Variants in SLC25A20 observed in about 807,000 individuals in gnomAD.
SLC25A20 encodes the protein mitochondrial carnitine/acylcarnitine carrier protein.
Under a neutral mutation model 39.7 loss-of-function variants are expected in SLC25A20, and 29 were observed. The observed-to-expected ratio is 0.73, with a 90% CI of 0.54 to 1.00. The LOEUF is 1.00. Among genes scored for constraint, SLC25A20 ranks in the 50% least tolerant of loss-of-function variants. SLC25A20 has a pLI of 0.00. For missense variants in SLC25A20, 333 were observed against 379.9 expected, an observed-to-expected ratio of 0.88 and a Z score of 1.03; for synonymous variants, 103 against 142.2, an observed-to-expected ratio of 0.72 and a Z score of 1.96.
At chr3:48,859,958 G>T (rs977292466) in intron 5 of SLC25A20, among the ~76,000 whole-genome samples, 2 of 152,152 alleles carry the variant, frequency 1.3e-5, no homozygotes, top group African/African-American at 4.8e-5. Flanking sequence ...CCTGAGGCCA[G>T]GAATTCGAGA....
intron 4 of SLC25A20, among the ~76,000 whole-genome samples, chr3:48,878,948 C>T (rs1041223912): frequency 1.3e-5 from 2 of 152,038 alleles, no homozygotes; most frequent in East Asian, 3.9e-4. Flanking sequence ...ACACAGCTCA[C>T]TGCAACCTGT....
At chr3:48,863,940 A>T (rs1416506149) in intron 4 of SLC25A20, among the ~76,000 whole-genome samples, 1 of 151,388 alleles carries the variant, frequency 6.6e-6, no homozygotes, top group Non-Finnish European at 1.5e-5. Context: ...GCTTGAACCC[A>T]GGAGGTGGAG....
chr3:48,891,336 A>G (rs1361629122), intron 2 of SLC25A20, among the ~76,000 whole-genome samples: 3 of 152,090 alleles, frequency 2.0e-5, no homozygotes, highest in African/African-American at 7.2e-5. Context: ...TGGCCTCCCA[A>G]AGTGCTGGGA....
rs572278124 is a variant in SLC25A20 at position 48,864,969 on chromosome 3, G to A, written c.418-2310C>T. ...TATAATCCTGAATAATTACAAGGAT[G>A]CTATTGTTACCAACTGAACTGGAAA... On this transcript the variant is annotated intron_variant, in intron 4 of 8. Transcript: ENST00000319017. 3.3e-5 allele frequency among the ~76,000 whole-genome samples: 5 copies of A among 152,228 alleles called. No individual in the cohort carries two copies. In the South Asian group the frequency reaches 1.0e-3, roughly 32 times the overall value.
chr3:48,889,940 C>T (rs768726641), intron 2 of SLC25A20, among the ~76,000 whole-genome samples: 55 of 152,300 alleles, frequency 3.6e-4, no homozygotes, highest in Non-Finnish European at 6.9e-4. Flanking sequence ...CCCTCTGTCA[C>T]GCCCGCATAA....
At chr3:48,877,808 G>A (rs955682708) in intron 4 of SLC25A20, among the ~76,000 whole-genome samples, 4 of 152,056 alleles carry the variant, frequency 2.6e-5, no homozygotes, top group African/African-American at 9.7e-5. Flanking sequence ...AGCAGCCTCC[G>A]TTCTAAATTT....
In SLC25A20 at chr3:48,879,378, G is replaced by A. The variant is rs748394731; in HGVS notation, c.397C>T (p.Arg133Trp). ...CTTACCTGTAATAAGCACTTGATCC[G>A]TTCTCCAGGAGTCATGATTCCTGTG... ...FTTGIMTPGE[R>W]IKCLLQIQAS... Residue 133 changes from arginine to tryptophan, a missense_variant, in exon 4 of 9, where the codon CGG (arginine) becomes TGG (tryptophan). Physicochemically the swap from Arg to Trp is moderately radical, Grantham distance 101. Coordinates refer to ENST00000319017, the MANE Select transcript of SLC25A20 (RefSeq NM_000387.6). The A allele has an allele frequency of 1.6e-5, 25 of 1,612,548 alleles. No individual in the cohort carries two copies. Among genetic ancestry groups the A allele is most frequent in the African/African-American group, 5.3e-5 (4 of 74,842 alleles).
intron 4 of SLC25A20, among the ~76,000 whole-genome samples, chr3:48,872,138 AT>A (rs940506945): frequency 1.1e-3 from 151 of 138,778 alleles, no homozygotes; most frequent in African/African-American, 1.3e-3. Flanking sequence ...CTGCCCAATG[AT>A]TTTTTTTTTT....
chr3:48,858,636 G>A lies in SLC25A20; in HGVS notation c.719-5C>T. On this transcript the variant is annotated splice_region_variant and splice_polypyrimidine_tract_variant and intron_variant, in intron 7 of 8. Coordinates refer to ENST00000319017, the MANE Select transcript of SLC25A20 (RefSeq NM_000387.6). The stretch of plus-strand genomic sequence containing the variant: ...TAGGATATTTCCCAGGAGGTGCTGT[G>A]GGGCAGAACCCAATTTTTAAGGCTT... 1 of 1,614,114 alleles carries A rather than the reference G, an allele frequency of 6.2e-7. No homozygotes were observed. The highest frequency in any genetic ancestry group is 8.5e-7 in the Non-Finnish European group (1 of 1,180,020).
rs138915283 is a variant in SLC25A20, at chr3:48,895,593, C to T, written c.105+3097G>A. Among the ~76,000 whole-genome samples the T allele has an allele frequency of 7.8e-3, 1,186 of 152,266 alleles. 11 individuals carry two copies. Among genetic ancestry groups the T allele is most frequent in the African/African-American group, 0.027 (1,130 of 41,542 alleles). ...TATTTGTCAGGTCCTTCTATATCAT[C>T]ATTTTTACCATTTTTTTAATAATTT... On this transcript the variant is annotated intron_variant, in intron 1 of 8. Transcript: ENST00000319017.
At chr3:48,879,543 AAATAAG>A (rs1367134378) in intron 3 of SLC25A20, 95 bp from the exon 4 acceptor site, 20 of 849,578 alleles carry the variant, frequency 2.4e-5, no homozygotes, top group Non-Finnish European at 3.9e-5. Flanking sequence ...GTAAGAAAAA[AAATAAG>A]TACTTGGACT....
At chr3:48,879,529 T>C (rs2083784620) in intron 3 of SLC25A20, 81 bp from the exon 4 acceptor site, 1 of 930,898 alleles carries the variant, frequency 1.1e-6, no homozygotes, top group Non-Finnish European at 1.8e-6. Context: ...AAGAGGACAG[T>C]TTTGTAAGAA....
intron 5 of SLC25A20, among the ~76,000 whole-genome samples, chr3:48,861,872 C>CA (rs975907921): frequency 7.9e-5 from 12 of 151,358 alleles, no homozygotes; most frequent in African/African-American, 2.9e-4. Context: ...ACTAAAAATA[C>CA]AAAAAAATAG....
chr3:48,858,501 A>G lies in SLC25A20; in HGVS notation c.843+6T>C. ...GAGGGAAAGCACAGCCCTGCCAGCT[A>G]CTCACCGCATTGGCTGGGAAGGCTC... On this transcript the variant is annotated splice_donor_region_variant and intron_variant, in intron 8 of 8. Transcript: ENST00000319017. 6.2e-7 allele frequency: 1 copy of G among 1,614,120 alleles called. No homozygotes were observed. Among genetic ancestry groups the G allele is most frequent in the East Asian group, 2.2e-5 (1 of 44,882 alleles).
chr3:48,894,203 C>G (rs1314344159), intron 1 of SLC25A20, among the ~76,000 whole-genome samples: 7 of 148,720 alleles, frequency 4.7e-5, no homozygotes, highest in Non-Finnish European at 1.5e-5. Flanking sequence ...CTCTCTCTCT[C>G]TCTCTCTCTC....
At chr3:48,868,236 G>T (rs1307675498) in intron 4 of SLC25A20, among the ~76,000 whole-genome samples, 1 of 151,792 alleles carries the variant, frequency 6.6e-6, no homozygotes, top group African/African-American at 2.4e-5. Context: ...GTACGAAGCG[G>T]TCACACAGCA....
chr3:48,872,524 A>G (rs1438434852), intron 4 of SLC25A20, among the ~76,000 whole-genome samples: 2 of 151,944 alleles, frequency 1.3e-5, no homozygotes, highest in African/African-American at 4.8e-5. Context: ...GGTAAAAGAA[A>G]AAAAAAAGAA....
At chr3:48,898,489 T>A (rs939576074) in intron 1 of SLC25A20, among the ~76,000 whole-genome samples, 1 of 152,264 alleles carries the variant, frequency 6.6e-6, no homozygotes, top group Non-Finnish European at 1.5e-5. Context: ...AGTTAGAGGC[T>A]GCTCACTTTG....
At chr3:48,872,084 C>T (rs1051642603) in intron 4 of SLC25A20, among the ~76,000 whole-genome samples, 2 of 149,750 alleles carry the variant, frequency 1.3e-5, no homozygotes, top group African/African-American at 4.9e-5. Context: ...CACCCTTGGC[C>T]TCTCAAAGTC....
Sources: allele counts gnomAD v4.1 joint callset (sites outside exome capture counted in the v4.1 genomes callset), GRCh38; gene constraint gnomAD v4.1.1; transcripts MANE v1.5; gene names NCBI Gene and HGNC (gene_info 2026-07-23, HGNC 2026-07-21).